Variants in PHF24 observed in about 807,000 individuals in gnomAD.
PHF24 encodes the protein PHD finger protein 24, also known as Galpha inhibitory interacting protein.
In PHF24, 25 loss-of-function variants were observed where a neutral mutation model predicts 42.6. The observed-to-expected ratio is 0.59, with a 90% CI of 0.43 to 0.82. The LOEUF (loss-of-function observed/expected upper bound fraction) is 0.82, where lower values mean the gene tolerates loss of function less well. PHF24 is among the 40% of genes least tolerant of loss of function. The probability of loss-of-function intolerance (pLI) is 0.00; values close to 1 mark genes in which losing one functional copy is unlikely to be tolerated. For missense variants in PHF24, 470 were observed against 538.1 expected, an observed-to-expected ratio of 0.87 and a Z score of 1.25; for synonymous variants, 185 against 204.8, an observed-to-expected ratio of 0.90 and a Z score of 0.83.
At chr9:34,668,144 A>T in the PHF24 span, among the ~76,000 whole-genome samples, 1 of 152,210 alleles carries the variant, frequency 6.6e-6, no homozygotes, top group African/African-American at 2.4e-5. Context: ...GGGAGTGAGT[A>T]TTAGCTTTAG....
the PHF24 span, among the ~76,000 whole-genome samples, chr9:34,792,049 T>C: frequency 6.6e-6 from 1 of 152,196 alleles, no homozygotes; most frequent in Non-Finnish European, 1.5e-5. Flanking sequence ...GCTGAGGGAA[T>C]ATTGGAATGA....
chr9:34,978,860 CTCAG>C (rs1587484482), exon 8 of PHF24: 2 of 152,186 alleles, frequency 1.3e-5, no homozygotes, highest in African/African-American at 4.8e-5. Context: ...CTAGGAACCT[CTCAG>C]TCAGGTCACC....
the PHF24 span, among the ~76,000 whole-genome samples, chr9:34,915,026 C>CTTTTTTTTTTTTTTTTTT: frequency 1.9e-4 from 7 of 37,456 alleles, no homozygotes; most frequent in African/African-American, 2.4e-4. Flanking sequence ...TTTTTCTTTT[C>CTTTTTTTTTTTTTTTTTT]TTTTTTTTTT....
At chr9:34,886,565 C>G in the PHF24 span, among the ~76,000 whole-genome samples, 4 of 152,194 alleles carry the variant, frequency 2.6e-5, no homozygotes, top group Admixed American at 6.5e-5. Context: ...CAGTATGACA[C>G]TCTTCTAGCT....
At chr9:34,728,778 C>T in the PHF24 span, 1 of 856,348 alleles carries the variant, frequency 1.2e-6, no homozygotes, top group South Asian at 1.7e-5. Context: ...ATTTTATACA[C>T]TCTCCTGGAC....
At chr9:34,981,790 T>C (rs1035773183) in exon 8 of PHF24, 1 of 151,630 alleles carries the variant, frequency 6.6e-6, no homozygotes, top group Admixed American at 6.6e-5. Flanking sequence ...GAAAAAATGC[T>C]ACTTTCTCCT....
At chr9:34,840,122 T>A in the PHF24 span, among the ~76,000 whole-genome samples, 23 of 152,136 alleles carry the variant, frequency 1.5e-4, no homozygotes, top group Admixed American at 1.2e-3. Context: ...CCCTCCTTGA[T>A]GGAGGGCCTT....
At chr9:34,665,790 G>A in the PHF24 span, 3 of 642,656 alleles carry the variant, frequency 4.7e-6, no homozygotes, top group Non-Finnish European at 5.6e-6. Flanking sequence ...TGATGCCCCC[G>A]AGAAGCCTCA....
rs1010134939 is a variant in PHF24, at chr9:34,976,314, T to C, written c.643+84T>C. 4.0e-6 allele frequency: 5 copies of C among 1,241,918 alleles called. No individual in the cohort carries two copies. The African/African-American group carries it at 7.4e-5, about 18-fold the overall frequency. The allele number at this position is 1,241,918 out of a possible 1,614,324, so 76.9% of individuals were successfully genotyped here. A position where few individuals can be genotyped will look rare whatever the true frequency, so the allele number is the denominator to read the frequency against. ...TTTCTAGAATGAACCATGAAAGGAG[T>C]GTTCCATATTTAGTGGGTAGAGGGT... is the stretch of plus-strand genomic sequence containing the variant. On this transcript the variant is annotated intron_variant, in intron 4 of 7. Coordinates refer to ENST00000242315, the Ensembl canonical transcript of PHF24.
intron 1 of PHF24, among the ~76,000 whole-genome samples, chr9:34,964,958 G>A (rs1448360403): frequency 6.6e-6 from 1 of 152,098 alleles, no homozygotes; most frequent in South Asian, 2.1e-4. Flanking sequence ...CATTTTTAGG[G>A]AGGCAGAAAC....
chr9:34,737,439 C>T, the PHF24 span, among the ~76,000 whole-genome samples: 3 of 152,176 alleles, frequency 2.0e-5, no homozygotes, highest in African/African-American at 7.2e-5. Context: ...CTTATCCATT[C>T]ATCATTTGAT....
the PHF24 span, chr9:34,917,367 T>TCTATA: frequency 3.1e-5 from 24 of 783,136 alleles, no homozygotes; most frequent in Non-Finnish European, 5.2e-5. Flanking sequence ...TTTTGATGGC[T>TCTATA]CTATAGTACT....
the PHF24 span, among the ~76,000 whole-genome samples, chr9:34,829,306 G>A: frequency 5.3e-5 from 8 of 152,104 alleles, no homozygotes; most frequent in Non-Finnish European, 1.2e-4. Flanking sequence ...GGGTGGGCAG[G>A]GAATCGAGAG....
chr9:34,949,747 G>T, the PHF24 span, among the ~76,000 whole-genome samples: 1 of 152,026 alleles, frequency 6.6e-6, no homozygotes, highest in African/African-American at 2.4e-5. Flanking sequence ...ACTAACACAG[G>T]AACAGAAAAC....
At chr9:34,949,779 C>T in the PHF24 span, among the ~76,000 whole-genome samples, 12 of 151,724 alleles carry the variant, frequency 7.9e-5, no homozygotes, top group African/African-American at 2.9e-4. Flanking sequence ...TGTTCTCACT[C>T]ATAAGTGGGA....
At chr9:34,747,432 G>A in the PHF24 span, among the ~76,000 whole-genome samples, 25,647 of 152,012 alleles carry the variant, frequency 0.17, 2,322 homozygotes, top group Middle Eastern at 0.26. Flanking sequence ...AGAAAAAAAA[G>A]TTATACAAAT....
chr9:34,923,781 T>C, the PHF24 span, among the ~76,000 whole-genome samples: 11 of 152,134 alleles, frequency 7.2e-5, no homozygotes, highest in African/African-American at 1.9e-4. Flanking sequence ...TTTCATTTCA[T>C]TGATTTTTTA....
At chr9:34,749,829 C>T in the PHF24 span, among the ~76,000 whole-genome samples, 8 of 150,320 alleles carry the variant, frequency 5.3e-5, no homozygotes, top group African/African-American at 2.0e-4. Context: ...GATCCTAAAA[C>T]ACCAAGAGAA....
chr9:34,904,435 G>A, the PHF24 span, among the ~76,000 whole-genome samples: 1 of 152,068 alleles, frequency 6.6e-6, no homozygotes, highest in Admixed American at 6.6e-5. Context: ...AATCATAAAG[G>A]GATGCTGGAT....
Sources: gnomAD v4.1 joint callset for allele counts (sites outside exome capture counted in the v4.1 genomes callset) on GRCh38, gnomAD v4.1.1 for gene constraint, MANE v1.5 for transcripts, NCBI Gene and HGNC (gene_info 2026-07-23, HGNC 2026-07-21) for gene names.